CSMD3: variants seen among roughly 807,000 people sequenced by gnomAD.
CSMD3 encodes CUB and Sushi multiple domains 3.
A neutral mutation model predicts 435.2 loss-of-function variants in CSMD3; 177 were observed. That is an observed-to-expected ratio of 0.41 (90% CI 0.36 to 0.46). The LOEUF is 0.46. Ranked by LOEUF, CSMD3 falls within the 20% of genes least tolerant of loss-of-function variation. The probability of loss-of-function intolerance (pLI) is 0.34; values close to 1 mark genes in which losing one functional copy is unlikely to be tolerated. For missense variants in CSMD3, 4,265 were observed against 4,504.6 expected, an observed-to-expected ratio of 0.95 and a Z score of 1.52; for synonymous variants, 1,656 against 1,520.5, an observed-to-expected ratio of 1.09 and a Z score of -2.07.
chr8:113,293,436 T>C (rs1033929570), intron 2 of CSMD3, among the ~76,000 whole-genome samples: 1 of 152,046 alleles, frequency 6.6e-6, no homozygotes, highest in Non-Finnish European at 1.5e-5. Flanking sequence ...GGATCCCTGC[T>C]TTGGTGGCAG....
chr8:112,550,614 T>A (rs186985219), intron 27 of CSMD3, 57 bp downstream of exon 27: 4 of 907,548 alleles, frequency 4.4e-6, no homozygotes, highest in Admixed American at 1.8e-5. Flanking sequence ...AAAGTTAACA[T>A]GACTATTTAC....
intron 15 of CSMD3, among the ~76,000 whole-genome samples, chr8:112,683,816 A>AC (rs1461005098): frequency 1.3e-5 from 2 of 151,894 alleles, no homozygotes; most frequent in East Asian, 3.9e-4. Flanking sequence ...GTATAATTTT[A>AC]CTATCTGTTC....
chr8:112,314,699 C>G (rs1407386937), intron 47 of CSMD3, 82 bp from the exon 48 acceptor site: 2 of 913,050 alleles, frequency 2.2e-6, no homozygotes, highest in Non-Finnish European at 3.6e-6. Flanking sequence ...GAGTATTCTG[C>G]TTTCATGTTC....
intron 27 of CSMD3, among the ~76,000 whole-genome samples, chr8:112,520,417 T>C (rs933122021): frequency 4.6e-5 from 7 of 152,086 alleles, no homozygotes; most frequent in African/African-American, 1.7e-4. Flanking sequence ...CCAGCAGGGC[T>C]CTTAACCATT....
chr8:113,225,610 T>C (rs1212416471), intron 3 of CSMD3, among the ~76,000 whole-genome samples: 1 of 151,452 alleles, frequency 6.6e-6, no homozygotes, highest in Non-Finnish European at 1.5e-5. Context: ...ACTAAACAAA[T>C]GTGCTACATT....
chr8:113,112,441 A>ATATATATG (rs1222784678), intron 4 of CSMD3, among the ~76,000 whole-genome samples: 1 of 35,440 alleles, frequency 2.8e-5, no homozygotes, highest in Non-Finnish European at 4.6e-5. Context: ...ATATATATAT[A>ATATATATG]TATATATGTA....
chr8:112,976,852 T>C (rs1461794560), intron 6 of CSMD3, among the ~76,000 whole-genome samples: 2 of 152,008 alleles, frequency 1.3e-5, no homozygotes, highest in Non-Finnish European at 2.9e-5. Context: ...TTGGAAGTGG[T>C]TGAAACTTAA....
chr8:113,320,243 T>A (rs2093940024), intron 1 of CSMD3, among the ~76,000 whole-genome samples: 1 of 152,058 alleles, frequency 6.6e-6, no homozygotes, highest in Non-Finnish European at 1.5e-5. Context: ...TCTAAATGCC[T>A]TATATTATGT....
At chr8:112,473,726 T>TTC (rs1472763175) in intron 31 of CSMD3, among the ~76,000 whole-genome samples, 6 of 147,966 alleles carry the variant, frequency 4.1e-5, no homozygotes, top group African/African-American at 1.6e-4. Flanking sequence ...GAGGGATTTT[T>TTC]TTTTTTTTTT....
chr8:112,559,261 TA>T (rs1828399732), intron 24 of CSMD3, among the ~76,000 whole-genome samples: 1 of 151,920 alleles, frequency 6.6e-6, no homozygotes, highest in Admixed American at 6.6e-5. Context: ...CTCTAGGTTA[TA>T]AAAGTTTGAG....
intron 30 of CSMD3, among the ~76,000 whole-genome samples, chr8:112,494,489 TCTCTC>T (rs1355934518): frequency 3.8e-5 from 4 of 103,952 alleles, no homozygotes; most frequent in East Asian, 2.3e-4. Context: ...TTTGTTTCTT[TCTCTC>T]CTTTCTTTCT....
At chr8:112,545,504 T>A (rs2853240) in intron 27 of CSMD3, among the ~76,000 whole-genome samples, 61,414 of 89,228 alleles carry the variant, frequency 0.69, 21,975 homozygotes, top group East Asian at 0.83. Flanking sequence ...AAAAAAAAAA[T>A]AATAATAATA....
chr8:112,666,304 C>G lies in CSMD3; in HGVS notation c.2789G>C (p.Gly930Ala), dbSNP rs2131707127. Residue 930 changes from glycine to alanine, a missense_variant, in exon 17 of 71, where the codon GGA (glycine) becomes GCA (alanine). Around this residue, in one of 3 missense-constraint regions of CSMD3, gnomAD observed 3,255 missense variants for 3,380.2 expected, o/e 0.96. Coordinates refer to ENST00000297405, the MANE Select transcript of CSMD3 (RefSeq NM_198123.2). Reference sequence around the variant, plus strand: ...TTCAAATGTAATTTTGATAGAGTGTCCAGGTTCAGCTTCAATCACCCACTC... The same window carrying G: ...TTCAAATGTAATTTTGATAGAGTGTGCAGGTTCAGCTTCAATCACCCACTC... Reference protein sequence around the residue: ...NCEWVIEAEPGHSIKITFERF... With the variant: ...NCEWVIEAEPAHSIKITFERF... The G allele has an allele frequency of 6.2e-7, 1 of 1,611,928 alleles. No individual in the cohort carries two copies. The highest frequency in any genetic ancestry group is 8.5e-7 in the Non-Finnish European group (1 of 1,178,648).
chr8:113,234,226 C>G (rs940365917), intron 3 of CSMD3, among the ~76,000 whole-genome samples: 10 of 152,044 alleles, frequency 6.6e-5, no homozygotes, highest in African/African-American at 2.4e-4. Flanking sequence ...GGAAATTTTT[C>G]CCATGAATAC....
At chr8:113,300,656 A>C (rs1445880082) in intron 2 of CSMD3, among the ~76,000 whole-genome samples, 2 of 152,100 alleles carry the variant, frequency 1.3e-5, no homozygotes, top group Non-Finnish European at 2.9e-5. Context: ...ACAGACATAC[A>C]GATGGGAACA....
intron 42 of CSMD3, 32 bp downstream of exon 42, chr8:112,341,445 T>C (rs756164850): frequency 4.5e-6 from 6 of 1,346,212 alleles, no homozygotes; most frequent in East Asian, 2.3e-5. Flanking sequence ...TTTGGGGTTA[T>C]ATAAATTTTC....
intron 32 of CSMD3, among the ~76,000 whole-genome samples, chr8:112,451,058 T>A (rs951184865): frequency 3.3e-5 from 5 of 152,104 alleles, no homozygotes; most frequent in African/African-American, 1.2e-4. Context: ...GAAAAAAATA[T>A]TATGGAACTA....
chr8:112,289,707 T>A (rs6415459), intron 56 of CSMD3, among the ~76,000 whole-genome samples, 169 bp from the exon 57 acceptor site: 30,555 of 152,032 alleles, frequency 0.2, 3,657 homozygotes, highest in East Asian at 0.36. Flanking sequence ...AAAGTGGAGT[T>A]TGCAGCTATA....
intron 3 of CSMD3, among the ~76,000 whole-genome samples, chr8:113,245,944 C>T: frequency 6.6e-6 from 1 of 151,952 alleles, no homozygotes; most frequent in East Asian, 1.9e-4. Context: ...TGGCATACCA[C>T]CACTTTTAAC....
Sources: gnomAD v4.1 joint callset for allele counts (sites outside exome capture counted in the v4.1 genomes callset) on GRCh38, gnomAD v4.1.1 for gene constraint, gnomAD v4.1.1 regional missense constraint, MANE v1.5 for transcripts, NCBI Gene and HGNC (gene_info 2026-07-23, HGNC 2026-07-21) for gene names.